The following ZNF254 variants were observed in gnomAD, a reference collection of about 807,000 sequenced individuals.
ZNF254 encodes zinc finger protein 254.
Under a neutral mutation model 12.4 loss-of-function variants are expected in ZNF254, and 10 were observed. The ratio of observed to expected loss-of-function variants is 0.80; its 90% confidence interval spans 0.50 to 1.36. The LOEUF is 1.36. Among genes scored for constraint, ZNF254 ranks in the 40% most tolerant of loss-of-function variants. The pLI is 0.00. For synonymous variants in ZNF254, 305 were observed against 253.4 expected, an observed-to-expected ratio of 1.20 and a Z score of -1.93; for missense variants, 996 against 763.9, an observed-to-expected ratio of 1.30 and a Z score of -3.58.
At chr19:24,044,740 A>G (rs1970313989) in intron 1 of ZNF254, among the ~76,000 whole-genome samples, 1 of 152,178 alleles carries the variant, frequency 6.6e-6, no homozygotes, top group African/African-American at 2.4e-5. Flanking sequence ...CTCATAAGTC[A>G]GAACCAGTTG....
At chr19:24,097,994 T>A (rs2145733248) in intron 1 of ZNF254, among the ~76,000 whole-genome samples, 1 of 152,210 alleles carries the variant, frequency 6.6e-6, no homozygotes, top group East Asian at 1.9e-4. Context: ...TCTACAATAG[T>A]ATGAATAAAG....
intron 3 of ZNF254, among the ~76,000 whole-genome samples, chr19:24,120,458 A>C (rs1266086251): frequency 3.3e-5 from 5 of 152,136 alleles, no homozygotes; most frequent in Admixed American, 6.6e-5. Flanking sequence ...TTGTGTATTA[A>C]CATTTATGCA....
intron 1 of ZNF254, among the ~76,000 whole-genome samples, chr19:24,102,890 T>TA (rs528085534): frequency 6.6e-6 from 1 of 152,142 alleles, no homozygotes; most frequent in Non-Finnish European, 1.5e-5. Flanking sequence ...CCATGCATTT[T>TA]AAAAAACTCA....
chr19:24,108,543 G>A (rs370713339), intron 3 of ZNF254, among the ~76,000 whole-genome samples: 34 of 152,208 alleles, frequency 2.2e-4, no homozygotes, highest in African/African-American at 7.9e-4. Flanking sequence ...ACCCAGGCAG[G>A]TCTTAATATT....
In ZNF254 at chr19:24,127,632, A is replaced by G. The variant is rs1555772995; in HGVS notation, c.1632A>G (p.Lys544=). The G allele has an allele frequency of 5.6e-6, 9 of 1,610,834 alleles. No individual in the cohort carries two copies. In the South Asian group the frequency reaches 8.8e-5, roughly 16 times the overall value. The part of the protein sequence containing the change: ...TKHKIIHTEE[K]PYKCEKCGKA... ...ATAAGATAATTCATACTGAAGAGAA[A>G]CCCTACAAATGTGAAAAATGTGGCA... The change falls in exon 4 of 4, where the codon AAA becomes AAG. Residue 544 remains lysine (K), a synonymous_variant. Coordinates refer to ENST00000357002, the MANE Select transcript of ZNF254 (RefSeq NM_203282.4).
chr19:24,101,222 C>T (rs1461176319), intron 1 of ZNF254, among the ~76,000 whole-genome samples: 2 of 152,158 alleles, frequency 1.3e-5, no homozygotes, highest in Non-Finnish European at 2.9e-5. Flanking sequence ...TTTGATTGTA[C>T]TCTACTTGCT....
At chr19:24,083,711 C>T (rs553545981), upstream of ZNF254, among the ~76,000 whole-genome samples, 1 of 152,166 alleles carries the variant, frequency 6.6e-6, no homozygotes, top group South Asian at 2.1e-4. Flanking sequence ...TACAAATGGC[C>T]AACTAACGTA....
intron 2 of ZNF254, among the ~76,000 whole-genome samples, chr19:24,068,990 CTGA>C (rs912145892): frequency 1.3e-5 from 2 of 152,018 alleles, no homozygotes; most frequent in Non-Finnish European, 2.9e-5. Context: ...GACAAAAACA[CTGA>C]TGATATTGCG....
chr19:24,070,728 T>C (rs2145488832), intron 2 of ZNF254, among the ~76,000 whole-genome samples: 1 of 152,308 alleles, frequency 6.6e-6, no homozygotes, highest in Admixed American at 6.5e-5. Context: ...CTGAGGAATT[T>C]GACTCTCCTG....
At chr19:24,070,417 C>T (rs541055261) in intron 2 of ZNF254, among the ~76,000 whole-genome samples, 2 of 152,288 alleles carry the variant, frequency 1.3e-5, no homozygotes, top group South Asian at 4.1e-4. Flanking sequence ...ACCCTGGAGG[C>T]AGTGGGAAGT....
chr19:24,123,715 G>A (rs1367873252), intron 3 of ZNF254, among the ~76,000 whole-genome samples: 1 of 152,018 alleles, frequency 6.6e-6, no homozygotes, highest in African/African-American at 2.4e-5. Flanking sequence ...TTTCTTTGGA[G>A]TTTAAATTTA....
chr19:24,126,520 A>G lies in ZNF254; in HGVS notation c.520A>G (p.Ile174Val), dbSNP rs1974853973. 6.2e-6 allele frequency: 10 copies of G among 1,600,024 alleles called. No individual in the cohort carries two copies. Among genetic ancestry groups the G allele is most frequent in the Non-Finnish European group, 8.5e-6 (10 of 1,175,738 alleles). Residue 174 changes from isoleucine (I) to valine (V), a missense_variant, in exon 4 of 4, where the codon ATA becomes GTA. Physicochemically the swap from Ile to Val is conservative, Grantham distance 29. Transcript: ENST00000357002. ...ATTTTTAAATTCAAACAGACCTAAG[A>G]TAAGACATACTGAAAAGAAATCTTT... ...YKFLNSNRPK[I>V]RHTEKKSFKC...
At position 24,126,575 on chromosome 19, in the gene ZNF254, G is replaced by C; in HGVS notation, c.575G>C (p.Cys192Ser). 1.2e-6 allele frequency: 2 copies of C among 1,605,406 alleles called. No homozygotes were observed. The highest frequency in any genetic ancestry group is 1.7e-6 in the Non-Finnish European group (2 of 1,177,564). The change falls in exon 4 of 4, where the codon TGC becomes TCC. Residue 192 changes from cysteine to serine, a missense_variant. Physicochemically the swap from Cys to Ser is moderately radical, Grantham distance 112. Coordinates refer to ENST00000357002, the MANE Select transcript of ZNF254 (RefSeq NM_203282.4). ...FKCKKRVKLF[C>S]MLSHKTQHKS... ...TGTAAAAAACGTGTCAAATTATTTTGCATGCTTTCACATAAAACCCAACAC... is the reference window on the plus strand; with the variant it reads ...TGTAAAAAACGTGTCAAATTATTTTCCATGCTTTCACATAAAACCCAACAC...
intron 2 of ZNF254, among the ~76,000 whole-genome samples, chr19:24,067,581 T>A (rs568655686): frequency 9.4e-4 from 143 of 152,158 alleles, no homozygotes; most frequent in African/African-American, 3.3e-3. Context: ...ATGAAAAGAT[T>A]GCATTATTAA....
intron 3 of ZNF254, among the ~76,000 whole-genome samples, chr19:24,113,834 A>G (rs1422500784): frequency 1.3e-5 from 2 of 152,208 alleles, no homozygotes; most frequent in African/African-American, 2.4e-5. Flanking sequence ...AACTTCAGCA[A>G]TGTCTCAGGA....
At chr19:24,101,817 G>A (rs1355798280) in intron 1 of ZNF254, among the ~76,000 whole-genome samples, 1 of 152,166 alleles carries the variant, frequency 6.6e-6, no homozygotes, top group African/African-American at 2.4e-5. Flanking sequence ...ACAGAATTGT[G>A]TCAGGCTGAC....
chr19:24,055,990 T>G (rs1327532306), intron 2 of ZNF254, among the ~76,000 whole-genome samples: 1 of 152,180 alleles, frequency 6.6e-6, no homozygotes, highest in Non-Finnish European at 1.5e-5. Flanking sequence ...AGCACCTGAG[T>G]GATCTGACTC....
chr19:24,079,060 T>C (rs1180869178), intron 2 of ZNF254: 1 of 152,192 alleles, frequency 6.6e-6, no homozygotes, highest in East Asian at 1.9e-4. Context: ...AACGGATATT[T>C]ATACTTCAAC....
At chr19:24,036,780 G>A (rs62117634) in intron 1 of ZNF254, among the ~76,000 whole-genome samples, 24,084 of 152,004 alleles carry the variant, frequency 0.16, 2,062 homozygotes, top group Middle Eastern at 0.23. Flanking sequence ...CTGAGGGCTT[G>A]GAAGAAAGAA....
Sources: gnomAD v4.1 joint callset for allele counts (sites outside exome capture counted in the v4.1 genomes callset) on GRCh38, gnomAD v4.1.1 for gene constraint, MANE v1.5 for transcripts, NCBI Gene and HGNC (gene_info 2026-07-23, HGNC 2026-07-21) for gene names.